Variants in PARD3 observed in about 807,000 individuals in gnomAD.
PARD3 encodes partitioning defective 3 homolog.
In PARD3, 75 loss-of-function variants were observed where a neutral mutation model predicts 155.4. The ratio of observed to expected loss-of-function variants is 0.48; its 90% CI spans 0.40 to 0.58. The LOEUF (loss-of-function observed/expected upper bound fraction) is 0.58. PARD3 is among the 20% of genes least tolerant of loss of function. The pLI, the probability that PARD3 is intolerant of heterozygous loss-of-function variation, is 0.00. For missense variants in PARD3, 1,642 were observed against 1,721.7 expected (o/e 0.95, Z 0.82); for synonymous variants, 576 against 610.5 (o/e 0.94, Z 0.83).
chr10:34,210,963 G>A (rs1371558506), intron 22 of PARD3, among the ~76,000 whole-genome samples: 2 of 152,096 alleles, frequency 1.3e-5, no homozygotes, highest in Non-Finnish European at 2.9e-5. Flanking sequence ...AATCATAAGG[G>A]AGGACAGGTG....
Position 34,251,130 on chromosome 10 carries a change from T to C in PARD3, c.3419+18527A>G, listed in dbSNP as rs1049514552. ...GAAATTAATCAAATGTCCATAACCA[T>C]GCCCATTTTAGCAGCAGTATGTAAG... On this transcript the variant is annotated intron_variant, in intron 22 of 24. Transcript: ENST00000374788. 2.0e-5 allele frequency among the ~76,000 whole-genome samples: 3 copies of C among 152,318 alleles called. No homozygotes were observed. In the South Asian group the frequency reaches 6.2e-4, roughly 32 times the overall value.
At chr10:34,376,152 T>C (rs983022245) in intron 10 of PARD3, among the ~76,000 whole-genome samples, 1 of 152,206 alleles carries the variant, frequency 6.6e-6, no homozygotes, top group Non-Finnish European at 1.5e-5. Flanking sequence ...TAAGTATCAA[T>C]ATTGTATAGC....
chr10:34,553,750 A>T (rs2084778374), intron 2 of PARD3, among the ~76,000 whole-genome samples: 1 of 152,208 alleles, frequency 6.6e-6, no homozygotes, highest in Admixed American at 6.5e-5. Flanking sequence ...ACCCCCTTGG[A>T]TCAAATTAGC....
intron 21 of PARD3, among the ~76,000 whole-genome samples, chr10:34,282,908 T>C (rs1324668790): frequency 6.6e-6 from 1 of 152,106 alleles, no homozygotes; most frequent in Non-Finnish European, 1.5e-5. Flanking sequence ...GAAAGAGTCC[T>C]ACAAAGCAAG....
intron 24 of PARD3, among the ~76,000 whole-genome samples, chr10:34,116,069 T>C (rs10763970): frequency 0.28 from 42,492 of 152,134 alleles, 6,443 homozygotes; most frequent in African/African-American, 0.38. Context: ...AAAAATCCTA[T>C]TCTGATTGAG....
intron 22 of PARD3, among the ~76,000 whole-genome samples, chr10:34,222,801 C>T (rs888208643): frequency 6.6e-6 from 1 of 152,188 alleles, no homozygotes; most frequent in Non-Finnish European, 1.5e-5. Flanking sequence ...AATCACAGCA[C>T]GATAAGTCCA....
At chr10:34,689,265 G>A (rs1359822988) in intron 2 of PARD3, among the ~76,000 whole-genome samples, 3 of 152,174 alleles carry the variant, frequency 2.0e-5, no homozygotes, top group Non-Finnish European at 4.4e-5. Context: ...TCAGAGCCAC[G>A]GAAAAGAGCC....
chr10:34,515,259 G>A (rs1245949445), intron 3 of PARD3, among the ~76,000 whole-genome samples: 1 of 152,122 alleles, frequency 6.6e-6, no homozygotes, highest in Non-Finnish European at 1.5e-5. Flanking sequence ...CAAATCTAAT[G>A]TAAGAATTTT....
intron 1 of PARD3, among the ~76,000 whole-genome samples, chr10:34,754,438 C>T (rs1194397880): frequency 2.0e-5 from 3 of 152,198 alleles, no homozygotes; most frequent in African/African-American, 7.2e-5. Context: ...CGTGCTTTGT[C>T]CTGTACTTTC....
intron 20 of PARD3, among the ~76,000 whole-genome samples, chr10:34,308,609 T>G (rs1352310214): frequency 6.6e-6 from 1 of 152,020 alleles, no homozygotes; most frequent in Non-Finnish European, 1.5e-5. Context: ...GGAGGGGGAA[T>G]CCAGCAGTGA....
At chr10:34,660,347 C>G (rs2093289461) in intron 2 of PARD3, among the ~76,000 whole-genome samples, 1 of 152,058 alleles carries the variant, frequency 6.6e-6, no homozygotes, top group African/African-American at 2.4e-5. Context: ...CAAATAATAT[C>G]TAGATAAATA....
chr10:34,779,077 G>A (rs56392001), intron 1 of PARD3, among the ~76,000 whole-genome samples: 3,346 of 152,292 alleles, frequency 0.022, 126 homozygotes, highest in African/African-American at 0.077. Flanking sequence ...TTGGGAGGCC[G>A]AGGTGGGCGG....
chr10:34,572,828 A>T (rs2086542091), intron 2 of PARD3, among the ~76,000 whole-genome samples: 1 of 152,074 alleles, frequency 6.6e-6, no homozygotes. Flanking sequence ...TATAGATAAA[A>T]CATAACAACT....
At chr10:34,331,452 T>C (rs1174675151) in intron 18 of PARD3, 108 bp from the exon 19 acceptor site, 1 of 653,824 alleles carries the variant, frequency 1.5e-6, no homozygotes, top group Non-Finnish European at 2.7e-6. Flanking sequence ...TGCTCAATGA[T>C]GAGTTCTGGA....
At chr10:34,170,217 A>G (rs1381693050) in intron 22 of PARD3, among the ~76,000 whole-genome samples, 1 of 152,124 alleles carries the variant, frequency 6.6e-6, no homozygotes, top group Non-Finnish European at 1.5e-5. Flanking sequence ...CCTCCCAAGT[A>G]GCTGGAACTA....
chr10:34,748,468 C>T (rs1390459655), intron 1 of PARD3, among the ~76,000 whole-genome samples: 1 of 152,082 alleles, frequency 6.6e-6, no homozygotes, highest in Non-Finnish European at 1.5e-5. Context: ...CAGAGCAAGA[C>T]TCTGTCTCAA....
At chr10:34,771,868 T>G (rs918309022) in intron 1 of PARD3, among the ~76,000 whole-genome samples, 2 of 152,190 alleles carry the variant, frequency 1.3e-5, no homozygotes, top group Non-Finnish European at 2.9e-5. Flanking sequence ...CAAGTTAAAA[T>G]GACACTTTTT....
At chr10:34,322,913 A>G (rs1958464571) in intron 19 of PARD3, among the ~76,000 whole-genome samples, 1 of 152,216 alleles carries the variant, frequency 6.6e-6, no homozygotes, top group Admixed American at 6.5e-5. Context: ...ATAAAGGATG[A>G]AATGTAAAAA....
intron 4 of PARD3, among the ~76,000 whole-genome samples, chr10:34,458,519 A>T (rs7922541): frequency 0.076 from 11,532 of 152,142 alleles, 1,324 homozygotes; most frequent in African/African-American, 0.25. Flanking sequence ...TATTTTACAA[A>T]ACAAAGATCT....
Sources: allele counts gnomAD v4.1 joint callset (sites outside exome capture counted in the v4.1 genomes callset), GRCh38; gene constraint gnomAD v4.1.1; transcripts MANE v1.5; gene names NCBI Gene and HGNC (gene_info 2026-07-23, HGNC 2026-07-21).